Variants in ITSN2 observed in about 807,000 individuals in gnomAD.
The protein encoded by ITSN2 is intersectin-2.
ITSN2 carries 156 observed loss-of-function variants against 243.7 expected under a neutral mutation model. That is an observed-to-expected ratio of 0.64 (90% CI 0.56 to 0.73). The LOEUF (loss-of-function observed/expected upper bound fraction) is 0.73, where lower values mean the gene tolerates loss of function less well. Ranked by LOEUF, ITSN2 falls within the 30% of genes least tolerant of loss-of-function variation. ITSN2 has a pLI of 0.00. For missense variants in ITSN2, 1,801 were observed against 1,996.1 expected (o/e 0.90, Z 1.86); for synonymous variants, 703 against 699.9 (o/e 1.00, Z -0.07).
intron 34 of ITSN2, 147 bp downstream of exon 34, chr2:24,210,633 A>AAG: frequency 4.8e-6 from 3 of 624,776 alleles, no homozygotes; most frequent in Non-Finnish European, 7.8e-6. Context: ...AAAAAAAAAA[A>AAG]AGAAAAAAAA....
At chr2:24,337,210 C>T (rs1009377391) in intron 1 of ITSN2, among the ~76,000 whole-genome samples, 19 of 147,132 alleles carry the variant, frequency 1.3e-4, no homozygotes, top group Admixed American at 9.5e-4. Context: ...ATAAATTTGA[C>T]GAATGGTCTG....
At chr2:24,277,622 CT>C (rs1469400470) in intron 17 of ITSN2, among the ~76,000 whole-genome samples, 1 of 152,082 alleles carries the variant, frequency 6.6e-6, no homozygotes, top group African/African-American at 2.4e-5. Flanking sequence ...GAGCATGGGT[CT>C]GGAATAAGAC....
At chr2:24,210,241 CAG>C in intron 34 of ITSN2, 1 of 555,994 alleles carries the variant, frequency 1.8e-6, no homozygotes, top group Non-Finnish European at 3.2e-6. Flanking sequence ...CTTCTAGCCA[CAG>C]AACACTGATT....
intron 29 of ITSN2, among the ~76,000 whole-genome samples, chr2:24,245,008 G>C (rs1298196532): frequency 6.6e-6 from 1 of 152,000 alleles, no homozygotes; most frequent in Non-Finnish European, 1.5e-5. Context: ...GAAAGGCTAA[G>C]TATTTTAAAT....
chr2:24,343,455 T>C (rs1687235914), intron 1 of ITSN2, among the ~76,000 whole-genome samples: 1 of 152,210 alleles, frequency 6.6e-6, no homozygotes, highest in Non-Finnish European at 1.5e-5. Context: ...TACTCTGCTT[T>C]TGCTTGTACT....
At chr2:24,354,690 G>A (rs1688293784) in intron 1 of ITSN2, among the ~76,000 whole-genome samples, 1 of 152,172 alleles carries the variant, frequency 6.6e-6, no homozygotes, top group African/African-American at 2.4e-5. Flanking sequence ...TCTAACTTCA[G>A]AGGCTGTACT....
chr2:24,232,240 A>T (rs1420716719), intron 29 of ITSN2, among the ~76,000 whole-genome samples: 1 of 152,230 alleles, frequency 6.6e-6, no homozygotes, highest in Non-Finnish European at 1.5e-5. Context: ...ATCATATTCT[A>T]ATGTTGCAGA....
At chr2:24,327,981 A>C (rs1335388019) in intron 2 of ITSN2, 71 bp downstream of exon 2, 55 of 1,356,776 alleles carry the variant, frequency 4.1e-5, no homozygotes, top group Admixed American at 9.1e-5. Context: ...ATCTACATGA[A>C]TATTTTAAAC....
chr2:24,250,234 GAAC>G (rs1160587592), intron 25 of ITSN2, among the ~76,000 whole-genome samples: 2 of 152,228 alleles, frequency 1.3e-5, no homozygotes, highest in African/African-American at 4.8e-5. Flanking sequence ...GTTTTTCATG[GAAC>G]AACATTTTTA....
intron 1 of ITSN2, among the ~76,000 whole-genome samples, chr2:24,336,946 T>C (rs1313320457): frequency 6.6e-6 from 1 of 151,906 alleles, no homozygotes; most frequent in Non-Finnish European, 1.5e-5. Flanking sequence ...GAGGCAACGA[T>C]GAACTGAATA....
chr2:24,357,643 A>C (rs1226665612), intron 1 of ITSN2, among the ~76,000 whole-genome samples: 2 of 152,196 alleles, frequency 1.3e-5, no homozygotes, highest in African/African-American at 2.4e-5. Context: ...CTTTCTTCAA[A>C]AACAGTTTTT....
intron 16 of ITSN2, among the ~76,000 whole-genome samples, chr2:24,285,909 G>A (rs1477757757): frequency 1.3e-5 from 2 of 152,134 alleles, no homozygotes; most frequent in African/African-American, 4.8e-5. Flanking sequence ...GGATAACGCT[G>A]GCTGAGATCA....
intron 1 of ITSN2, among the ~76,000 whole-genome samples, chr2:24,336,064 AC>A (rs1328857893): frequency 6.8e-6 from 1 of 148,108 alleles, no homozygotes; most frequent in Admixed American, 6.8e-5. Context: ...ACATGGTGGA[AC>A]CCCGTCTCTA....
chr2:24,213,557 A>G (rs1669695322), intron 32 of ITSN2, among the ~76,000 whole-genome samples: 1 of 152,224 alleles, frequency 6.6e-6, no homozygotes, highest in South Asian at 2.1e-4. Context: ...TCTTATTTCC[A>G]TATTTTCTGA....
chr2:24,337,925 A>C (rs539445008), intron 1 of ITSN2, among the ~76,000 whole-genome samples: 2 of 152,258 alleles, frequency 1.3e-5, no homozygotes, highest in East Asian at 3.9e-4. Flanking sequence ...TTAGTTCCCA[A>C]GGAGATCAAG....
intron 7 of ITSN2, chr2:24,308,988 A>T (rs1682907295): frequency 2.0e-6 from 1 of 503,146 alleles, no homozygotes; most frequent in Admixed American, 2.4e-5. Context: ...TTCTCATAAG[A>T]GTGCAAACCC....
At chr2:24,298,282 C>G (rs1300075883) in intron 13 of ITSN2, among the ~76,000 whole-genome samples, 1 of 152,160 alleles carries the variant, frequency 6.6e-6, no homozygotes, top group Non-Finnish European at 1.5e-5. Flanking sequence ...CTCAGTGTCC[C>G]AAGTAGCTGG....
chr2:24,333,789 A>C (rs181528457), intron 1 of ITSN2, among the ~76,000 whole-genome samples: 1 of 152,386 alleles, frequency 6.6e-6, no homozygotes, highest in East Asian at 1.9e-4. Flanking sequence ...TAGAAATGCT[A>C]GAACAAAAGC....
intron 1 of ITSN2, among the ~76,000 whole-genome samples, chr2:24,346,087 T>C (rs1687501860): frequency 6.6e-6 from 1 of 152,156 alleles, no homozygotes; most frequent in South Asian, 2.1e-4. Context: ...TTCTTATCTC[T>C]ATGACCTCTA....
Sources: allele counts gnomAD v4.1 joint callset (sites outside exome capture counted in the v4.1 genomes callset), GRCh38; gene constraint gnomAD v4.1.1; transcripts MANE v1.5; gene names NCBI Gene and HGNC (gene_info 2026-07-23, HGNC 2026-07-21).